The following KCND2 variants were observed in gnomAD, a reference collection of about 807,000 sequenced individuals.
The protein encoded by KCND2 is potassium voltage-gated channel subfamily D member 2.
In KCND2, 16 loss-of-function variants were observed where a neutral mutation model predicts 54.4. The observed-to-expected ratio is 0.29, with a 90% CI of 0.20 to 0.45. The LOEUF (loss-of-function observed/expected upper bound fraction) is 0.45, where lower values mean the gene tolerates loss of function less well. Among genes scored for constraint, KCND2 ranks in the 20% least tolerant of loss-of-function variants. The probability of loss-of-function intolerance (pLI) is 1.00; values close to 1 mark genes in which losing one functional copy is unlikely to be tolerated. For missense variants in KCND2, 486 were observed against 824.2 expected (o/e 0.59, Z 5.02); for synonymous variants, 317 against 310.7 (o/e 1.02, Z -0.21).
At chr7:120,307,793 C>G (rs538127201) in intron 1 of KCND2, among the ~76,000 whole-genome samples, 1 of 152,122 alleles carries the variant, frequency 6.6e-6, no homozygotes, top group East Asian at 1.9e-4. Context: ...GCTTCTGAGA[C>G]TAGACACCGT....
chr7:120,456,789 C>T (rs1802206888), intron 1 of KCND2, among the ~76,000 whole-genome samples: 2 of 152,192 alleles, frequency 1.3e-5, no homozygotes, highest in African/African-American at 2.4e-5. Flanking sequence ...CCTCTTCTCA[C>T]AGCTCCACTA....
At chr7:120,388,778 ATAAAT>A (rs772845518) in intron 1 of KCND2, among the ~76,000 whole-genome samples, 131 of 152,032 alleles carry the variant, frequency 8.6e-4, no homozygotes, top group Non-Finnish European at 1.7e-3. Flanking sequence ...ATAATCTCAA[ATAAAT>A]TAATATAATC....
intron 2 of KCND2, among the ~76,000 whole-genome samples, chr7:120,733,914 TTA>T (rs1792839613): frequency 6.6e-6 from 1 of 152,126 alleles, no homozygotes; most frequent in African/African-American, 2.4e-5. Flanking sequence ...TACTGATGGT[TTA>T]TATGTGTCAG....
rs149103340 is a variant in KCND2, at chr7:120,429,403, G to A, written c.1115+153656G>A. 3.6e-3 allele frequency among the ~76,000 whole-genome samples: 544 copies of A among 152,108 alleles called. 2 individuals carry two copies. Among genetic ancestry groups the A allele is most frequent in the African/African-American group, 0.012 (496 of 41,480 alleles). ...CTAATTGTATTAAATGTCAACCCTT[G>A]AGTACCTGTCTTTTTAATCTTATGA... On this transcript the variant is annotated intron_variant, in intron 1 of 5. Coordinates refer to ENST00000331113, the MANE Select transcript of KCND2 (RefSeq NM_012281.3).
intron 1 of KCND2, among the ~76,000 whole-genome samples, chr7:120,649,026 T>A (rs984222036): frequency 2.6e-5 from 4 of 152,170 alleles, no homozygotes; most frequent in African/African-American, 9.7e-5. Flanking sequence ...AACACATAGA[T>A]TCATAGTCTC....
At chr7:120,624,813 A>G (rs1194119620) in intron 1 of KCND2, among the ~76,000 whole-genome samples, 1 of 152,106 alleles carries the variant, frequency 6.6e-6, no homozygotes. Flanking sequence ...GGAGGGATAA[A>G]AAATAAGTCA....
intron 4 of KCND2, among the ~76,000 whole-genome samples, chr7:120,744,193 C>T (rs1792977241): frequency 6.6e-6 from 1 of 152,114 alleles, no homozygotes; most frequent in South Asian, 2.1e-4. Flanking sequence ...ACCCAGGAGG[C>T]AGAGGTTGCA....
intron 1 of KCND2, among the ~76,000 whole-genome samples, chr7:120,626,119 G>A (rs188693784): frequency 9.5e-4 from 144 of 152,032 alleles, no homozygotes; most frequent in Non-Finnish European, 1.7e-3. Flanking sequence ...ATTAATATTC[G>A]ATCATGTACT....
chr7:120,553,622 G>A (rs1235722061), intron 1 of KCND2, among the ~76,000 whole-genome samples: 4 of 152,132 alleles, frequency 2.6e-5, no homozygotes, highest in African/African-American at 7.2e-5. Flanking sequence ...TGCTGATGAG[G>A]TTGATAAATT....
intron 1 of KCND2, among the ~76,000 whole-genome samples, chr7:120,516,173 A>G (rs533872539): frequency 1.1e-4 from 16 of 152,264 alleles, no homozygotes; most frequent in African/African-American, 3.8e-4. Flanking sequence ...TTCCTTTTCA[A>G]TTACAAGTAC....
intron 1 of KCND2, among the ~76,000 whole-genome samples, chr7:120,299,151 ACT>A (rs1799551610): frequency 6.6e-6 from 1 of 151,970 alleles, no homozygotes; most frequent in African/African-American, 2.4e-5. Flanking sequence ...TAAGAGCGAA[ACT>A]CTGTCTAAAA....
chr7:120,727,769 A>C (rs1025366627), intron 1 of KCND2, among the ~76,000 whole-genome samples: 5 of 152,150 alleles, frequency 3.3e-5, no homozygotes, highest in African/African-American at 1.2e-4. Flanking sequence ...AAGGAGCAGA[A>C]GGAAACTGGT....
At chr7:120,495,100 A>G (rs1254637663) in intron 1 of KCND2, among the ~76,000 whole-genome samples, 1 of 152,208 alleles carries the variant, frequency 6.6e-6, no homozygotes, top group East Asian at 1.9e-4. Context: ...TGGAAATATA[A>G]TCAAATCTTT....
Position 120,473,030 on chromosome 7 carries a change from T to G in KCND2, c.1115+197283T>G, listed in dbSNP as rs116561268. ...GGATGGCTGGAGGCTGACCCTGGAATGTAGAGCTTTCTGGTCACAACTGGC... is the reference window on the plus strand; with the variant it reads ...GGATGGCTGGAGGCTGACCCTGGAAGGTAGAGCTTTCTGGTCACAACTGGC... On this transcript the variant is annotated intron_variant, in intron 1 of 5. Coordinates refer to ENST00000331113, the MANE Select transcript of KCND2 (RefSeq NM_012281.3). Among the ~76,000 whole-genome samples the G allele has an allele frequency of 6.7e-3, 1,026 of 152,262 alleles. 9 individuals carry two copies. The highest frequency in any genetic ancestry group is 0.023 in the African/African-American group (950 of 41,564).
chr7:120,592,969 A>T (rs1792689799), intron 1 of KCND2, among the ~76,000 whole-genome samples: 1 of 152,190 alleles, frequency 6.6e-6, no homozygotes, highest in Non-Finnish European at 1.5e-5. Context: ...ATTTTATAGG[A>T]GAATAGAGAG....
intron 1 of KCND2, among the ~76,000 whole-genome samples, chr7:120,726,346 G>T (rs1792733864): frequency 6.6e-6 from 1 of 152,132 alleles, no homozygotes; most frequent in Non-Finnish European, 1.5e-5. Context: ...AAGGTCATTT[G>T]CTATTTGCAA....
At chr7:120,490,813 T>C (rs964226541) in intron 1 of KCND2, among the ~76,000 whole-genome samples, 1 of 152,136 alleles carries the variant, frequency 6.6e-6, no homozygotes, top group African/African-American at 2.4e-5. Context: ...CAAGAAATAA[T>C]ATTTCTCTCC....
chr7:120,491,860 G>T (rs1802784421), intron 1 of KCND2, among the ~76,000 whole-genome samples: 1 of 132,082 alleles, frequency 7.6e-6, no homozygotes, highest in Admixed American at 7.0e-5. Context: ...AGCAATTGTG[G>T]TTTGTTATGT....
At chr7:120,498,549 T>C (rs983442249) in intron 1 of KCND2, among the ~76,000 whole-genome samples, 5 of 151,890 alleles carry the variant, frequency 3.3e-5, no homozygotes, top group African/African-American at 1.2e-4. Flanking sequence ...CCAAGGCAGA[T>C]GGATCACCTG....
Sources: allele counts gnomAD v4.1 joint callset (sites outside exome capture counted in the v4.1 genomes callset), GRCh38; gene constraint gnomAD v4.1.1; transcripts MANE v1.5; gene names NCBI Gene and HGNC (gene_info 2026-07-23, HGNC 2026-07-21).